Variants in SPARC observed in about 807,000 individuals in gnomAD.
SPARC encodes basement-membrane protein 40.
In SPARC, 23 loss-of-function variants were observed where a neutral mutation model predicts 37.7. That is an observed-to-expected ratio of 0.61 (90% confidence interval 0.44 to 0.87). SPARC has a LOEUF of 0.87. Among genes scored for constraint, SPARC ranks in the 40% least tolerant of loss-of-function variants. The pLI is 0.00. For synonymous variants in SPARC, 155 were observed against 150.8 expected (o/e 1.03, Z -0.20); for missense variants, 312 against 389.0 (o/e 0.80, Z 1.66).
intron 5 of SPARC, 30 bp downstream of exon 5, chr5:151,671,543 T>G: frequency 6.5e-7 from 1 of 1,537,724 alleles, no homozygotes; most frequent in Non-Finnish European, 8.7e-7. Flanking sequence ...GCCCAATCCC[T>G]TCCCCCTGCC....
At position 151,671,585 on chromosome 5, in the gene SPARC, G is replaced by C; in HGVS notation, c.318C>G (p.Gly106=). The C allele has an allele frequency of 1.3e-6, 2 of 1,577,492 alleles. No homozygotes were observed. Among genetic ancestry groups the C allele is most frequent in the Non-Finnish European group, 1.7e-6 (2 of 1,162,696 alleles). The change falls in exon 5 of 10, where the codon GGC becomes GGG. Residue 106 remains glycine (G), a synonymous_variant. Coordinates refer to ENST00000231061, the MANE Select transcript of SPARC (RefSeq NM_003118.4). Reference sequence around the variant, plus strand: ...TCTCAGCCCTCACCTTCTCAAACTCGCCAATGGGGGCTGGGCAGCTGGTGG... The same window carrying C: ...TCTCAGCCCTCACCTTCTCAAACTCCCCAATGGGGGCTGGGCAGCTGGTGG... ...QDPTSCPAPI[G]EFEKVCSNDN...
chr5:151,680,539 T>G (rs1300505890), intron 1 of SPARC, among the ~76,000 whole-genome samples: 1 of 152,180 alleles, frequency 6.6e-6, no homozygotes, highest in Non-Finnish European at 1.5e-5. Flanking sequence ...CCCATCTATT[T>G]TAATCAACTT....
At chr5:151,668,289 A>AGG (rs1760674855) in intron 6 of SPARC, among the ~76,000 whole-genome samples, 1 of 151,730 alleles carries the variant, frequency 6.6e-6, no homozygotes, top group African/African-American at 2.4e-5. Flanking sequence ...AGTAGCTGGG[A>AGG]CTACAGGCAC....
intron 1 of SPARC, among the ~76,000 whole-genome samples, chr5:151,681,977 G>A (rs1761004248): frequency 6.6e-6 from 1 of 152,188 alleles, no homozygotes; most frequent in South Asian, 2.1e-4. Flanking sequence ...CATTCCCTAA[G>A]ATACCTTGGA....
At chr5:151,674,475 G>T (rs1760814248) in intron 3 of SPARC, 137 bp downstream of exon 3, 2 of 744,888 alleles carry the variant, frequency 2.7e-6, no homozygotes, top group South Asian at 3.3e-5. Context: ...TATACTCAGG[G>T]TTTGCATCTA....
chr5:151,674,228 G>T (rs1481796678), intron 3 of SPARC, among the ~76,000 whole-genome samples: 1 of 151,946 alleles, frequency 6.6e-6, no homozygotes, highest in Non-Finnish European at 1.5e-5. Flanking sequence ...GGCCACACTG[G>T]TCTTGAACTC....
At chr5:151,673,676 T>G (rs1326462811) in intron 3 of SPARC, among the ~76,000 whole-genome samples, 1 of 152,240 alleles carries the variant, frequency 6.6e-6, no homozygotes, top group Non-Finnish European at 1.5e-5. Flanking sequence ...TTGTCTCTTA[T>G]CTACTTCTAA....
At chr5:151,669,904 G>A (rs1760712385) in intron 5 of SPARC, 120 bp from the exon 6 acceptor site, 9 of 1,387,864 alleles carry the variant, frequency 6.5e-6, no homozygotes, top group Non-Finnish European at 9.0e-6. Flanking sequence ...TCATTAGCCT[G>A]AGGTCATATA....
chr5:151,679,835 G>T (rs1760944490), intron 1 of SPARC: 1 of 152,162 alleles, frequency 6.6e-6, no homozygotes, highest in African/African-American at 2.4e-5. Flanking sequence ...AGAACAGGGG[G>T]GATACCTCAG....
chr5:151,684,434 C>A, intron 1 of SPARC, among the ~76,000 whole-genome samples: 1 of 147,708 alleles, frequency 6.8e-6, no homozygotes. Context: ...TTTTTTTTCA[C>A]CCTTGGCCAA....
chr5:151,671,700 G>A lies in SPARC; in HGVS notation c.209-6C>T. ...GTGGTGGTTCTGGCAGGGATCTGTAGGGCAGAAAGACAAGGGAGTTAGCAT... is the reference window on the plus strand; with the variant it reads ...GTGGTGGTTCTGGCAGGGATCTGTAAGGCAGAAAGACAAGGGAGTTAGCAT... On this transcript the variant is annotated splice_region_variant and splice_polypyrimidine_tract_variant and intron_variant, in intron 4 of 9. Coordinates refer to ENST00000231061, the MANE Select transcript of SPARC (RefSeq NM_003118.4). The A allele has an allele frequency of 6.2e-7, 1 of 1,613,612 alleles. No homozygotes were observed. Among genetic ancestry groups the A allele is most frequent in the Non-Finnish European group, 8.5e-7 (1 of 1,179,732 alleles).
At chr5:151,671,789 C>T (rs1375975012) in intron 4 of SPARC, 95 bp from the exon 5 acceptor site, 5 of 1,534,418 alleles carry the variant, frequency 3.3e-6, no homozygotes, top group African/African-American at 1.4e-5. Context: ...CAGTCCTTGA[C>T]TGTGGCCCCC....
chr5:151,677,460 G>A (rs1760883371), intron 1 of SPARC, among the ~76,000 whole-genome samples: 1 of 152,136 alleles, frequency 6.6e-6, no homozygotes, highest in African/African-American at 2.4e-5. Flanking sequence ...CTGACCAAAT[G>A]GTGGTGGGAG....
At chr5:151,678,119 T>C (rs1299445837) in intron 1 of SPARC, among the ~76,000 whole-genome samples, 1 of 152,150 alleles carries the variant, frequency 6.6e-6, no homozygotes, top group African/African-American at 2.4e-5. Context: ...AGGATCAAAG[T>C]GAAATAGCAG....
intron 3 of SPARC, among the ~76,000 whole-genome samples, 198 bp downstream of exon 3, chr5:151,674,414 G>A (rs549659340): frequency 2.6e-5 from 4 of 152,262 alleles, no homozygotes; most frequent in Admixed American, 6.5e-5. Context: ...CCCAAACGTA[G>A]GGTTCCGTTG....
At position 151,663,344 on chromosome 5, in the gene SPARC, T is replaced by C; in HGVS notation, c.*227A>G. 2 of 528,996 alleles carry C rather than the reference T, an allele frequency of 3.8e-6. No homozygotes were observed. The highest frequency in any genetic ancestry group is 6.7e-6 in the Non-Finnish European group (2 of 297,980). The allele number at this position is 528,996 out of a possible 1,614,324, so 32.8% of individuals were successfully genotyped here. On this transcript the variant is annotated 3_prime_UTR_variant, in exon 10 of 10. Coordinates refer to ENST00000231061, the MANE Select transcript of SPARC (RefSeq NM_003118.4). The stretch of plus-strand genomic sequence containing the variant: ...AAAGCTACAAATGGCAAGAGAAAAA[T>C]GGGACTATTAATGCGTGTGGAAAAG...
Position 151,674,051 on chromosome 5 carries a change from G to A in SPARC, c.120+561C>T, listed in dbSNP as rs556968343. 4.6e-5 allele frequency among the ~76,000 whole-genome samples: 7 copies of A among 150,676 alleles called. No homozygotes were observed. The South Asian group carries it at 6.3e-4, about 14-fold the overall frequency. ...TTTTGAGATGGAGTCTCATGCTGTC[G>A]CCCAGGGTAGAGTACAGTGGCGAGA... On this transcript the variant is annotated intron_variant, in intron 3 of 9. Transcript: ENST00000231061.
Position 151,664,111 on chromosome 5 carries a change from C to A in SPARC, c.859G>T (p.Ala287Ser), listed in dbSNP as rs1760572293. Residue 287 changes from alanine to serine, a missense_variant, in exon 9 of 10, where the codon GCC becomes TCC. By Grantham distance (99) the Ala-to-Ser change is moderately conservative. Transcript: ENST00000231061. ...NDKYIALDEW[A>S]GCFGIKQKDI... ...CTCTGCTTGATGCCGAAGCAGCCGG[C>A]CCACTCATCCAGGGCGATGTACTTG... 2 of 1,614,200 alleles carry A rather than the reference C, an allele frequency of 1.2e-6. No individual in the cohort carries two copies. The highest frequency in any genetic ancestry group is 1.7e-6 in the Non-Finnish European group (2 of 1,180,042).
In SPARC at chr5:151,663,616, G is replaced by C; in HGVS notation, c.884-17C>G. On this transcript the variant is annotated splice_polypyrimidine_tract_variant and intron_variant, in intron 9 of 9. Coordinates refer to ENST00000231061, the MANE Select transcript of SPARC (RefSeq NM_003118.4). ...CGATATCCTCTGCAAAGCAAGAAAA[G>C]AGCACGGTTAAAAATAAGGCTGTGT... The C allele has an allele frequency of 1.9e-6, 3 of 1,613,786 alleles. No homozygotes were observed. Among genetic ancestry groups the C allele is most frequent in the Non-Finnish European group, 1.7e-6 (2 of 1,179,782 alleles).
Sources: allele counts gnomAD v4.1 joint callset (sites outside exome capture counted in the v4.1 genomes callset), GRCh38; gene constraint gnomAD v4.1.1; transcripts MANE v1.5; gene names NCBI Gene and HGNC (gene_info 2026-07-23, HGNC 2026-07-21).